The following SAMTOR variants were observed in gnomAD, a reference collection of about 807,000 sequenced individuals.
SAMTOR encodes S-adenosylmethionine sensor upstream of mTORC1.
the SAMTOR span, among the ~76,000 whole-genome samples, chr7:112,916,985 C>A: frequency 1.3e-5 from 2 of 152,242 alleles, no homozygotes; most frequent in Admixed American, 1.3e-4. Context: ...GGAGGCCTGC[C>A]TGCCTGCCTC....
the SAMTOR span, among the ~76,000 whole-genome samples, chr7:112,866,317 A>G: frequency 1.4e-4 from 22 of 152,344 alleles, no homozygotes; most frequent in Non-Finnish European, 2.8e-4. Context: ...AAATGTCTAT[A>G]TATTTTTCCA....
At chr7:112,925,310 CCTTT>C in the SAMTOR span, among the ~76,000 whole-genome samples, 1 of 152,056 alleles carries the variant, frequency 6.6e-6, no homozygotes, top group African/African-American at 2.4e-5. Context: ...GTCTAGAAGG[CCTTT>C]TTTTGAACTT....
At chr7:112,939,367 A>G in the SAMTOR span, 1 of 623,068 alleles carries the variant, frequency 1.6e-6, no homozygotes, top group South Asian at 2.0e-5. Flanking sequence ...ATTCCTTTAC[A>G]GGCCTAGAAC....
the SAMTOR span, among the ~76,000 whole-genome samples, chr7:112,867,747 T>C: frequency 6.6e-6 from 1 of 152,238 alleles, no homozygotes; most frequent in Non-Finnish European, 1.5e-5. Flanking sequence ...AAAATGCCTA[T>C]CAGTTAGCTT....
At chr7:112,846,826 T>C in the SAMTOR span, among the ~76,000 whole-genome samples, 1 of 152,232 alleles carries the variant, frequency 6.6e-6, no homozygotes, top group Non-Finnish European at 1.5e-5. Context: ...TTTTGGAATA[T>C]GAGCATTCTA....
At chr7:112,897,581 C>A in the SAMTOR span, among the ~76,000 whole-genome samples, 1 of 151,940 alleles carries the variant, frequency 6.6e-6, no homozygotes, top group Non-Finnish European at 1.5e-5. Context: ...ACATACAGAT[C>A]AATAAAGAGA....
At chr7:112,918,189 G>C in the SAMTOR span, among the ~76,000 whole-genome samples, 3 of 152,194 alleles carry the variant, frequency 2.0e-5, no homozygotes, top group Non-Finnish European at 4.4e-5. Flanking sequence ...GTTAAAGGCA[G>C]CCAGAGAGAA....
the SAMTOR span, among the ~76,000 whole-genome samples, chr7:112,829,244 T>A: frequency 1.1e-3 from 175 of 152,328 alleles, no homozygotes; most frequent in African/African-American, 4.1e-3. Context: ...CTAATATGCA[T>A]TAATCCTATC....
At chr7:112,872,672 G>A in the SAMTOR span, among the ~76,000 whole-genome samples, 107 of 152,060 alleles carry the variant, frequency 7.0e-4, 1 homozygote, top group Non-Finnish European at 1.2e-3. Flanking sequence ...CAAATAGGAA[G>A]AGAGGAAGTC....
the SAMTOR span, among the ~76,000 whole-genome samples, chr7:112,865,861 T>C: frequency 2.7e-5 from 4 of 148,914 alleles, no homozygotes; most frequent in East Asian, 7.8e-4. Flanking sequence ...ACTTGGGAGG[T>C]TGAGGGGAAG....
chr7:112,844,504 T>G, the SAMTOR span, among the ~76,000 whole-genome samples: 1 of 151,864 alleles, frequency 6.6e-6, no homozygotes, highest in South Asian at 2.1e-4. Flanking sequence ...CCATTCACAA[T>G]TGGCATAAAA....
the SAMTOR span, among the ~76,000 whole-genome samples, chr7:112,858,438 A>T: frequency 6.6e-6 from 1 of 152,024 alleles, no homozygotes; most frequent in Non-Finnish European, 1.5e-5. Context: ...ACATATAAGA[A>T]AATAGAAGAT....
At chr7:112,825,351 T>G in the SAMTOR span, among the ~76,000 whole-genome samples, 1 of 152,164 alleles carries the variant, frequency 6.6e-6, no homozygotes, top group Non-Finnish European at 1.5e-5. Flanking sequence ...TTTCTCCTAA[T>G]TTGTGGTTTG....
the SAMTOR span, among the ~76,000 whole-genome samples, chr7:112,938,061 A>T: frequency 6.6e-6 from 1 of 152,140 alleles, no homozygotes; most frequent in African/African-American, 2.4e-5. Flanking sequence ...AATTTGTACA[A>T]AATAGCAGGA....
chr7:112,914,573 A>G, the SAMTOR span, among the ~76,000 whole-genome samples: 1 of 152,158 alleles, frequency 6.6e-6, no homozygotes, highest in Non-Finnish European at 1.5e-5. Flanking sequence ...TAAATGCTGG[A>G]ATACCCTGAA....
chr7:112,890,556 G>A, the SAMTOR span, among the ~76,000 whole-genome samples: 16 of 151,648 alleles, frequency 1.1e-4, no homozygotes, highest in African/African-American at 3.9e-4. Context: ...CATACTCAGG[G>A]GAAAAAAAGT....
At chr7:112,825,093 C>T in the SAMTOR span, among the ~76,000 whole-genome samples, 10 of 152,282 alleles carry the variant, frequency 6.6e-5, no homozygotes, top group Admixed American at 5.9e-4. Context: ...GTGATCTTAG[C>T]TCACTGCAAC....
chr7:112,826,710 T>G, the SAMTOR span, among the ~76,000 whole-genome samples: 1 of 152,164 alleles, frequency 6.6e-6, no homozygotes, highest in Non-Finnish European at 1.5e-5. Context: ...GTCATTGCTT[T>G]GAGACTGTTA....
At chr7:112,908,772 A>T in the SAMTOR span, among the ~76,000 whole-genome samples, 1 of 152,314 alleles carries the variant, frequency 6.6e-6, no homozygotes, top group African/African-American at 2.4e-5. Flanking sequence ...TACCCATAGG[A>T]GGTGTTACCC....
Sources: allele counts gnomAD v4.1 joint callset (sites outside exome capture counted in the v4.1 genomes callset), GRCh38; gene constraint gnomAD v4.1.1; transcripts MANE v1.5; gene names NCBI Gene and HGNC (gene_info 2026-07-23, HGNC 2026-07-21).